The following KCNC2 variants were observed in gnomAD, a reference collection of about 807,000 sequenced individuals.
The protein encoded by KCNC2 is potassium voltage-gated channel subfamily C member 2.
A neutral mutation model predicts 44.5 loss-of-function variants in KCNC2; 21 were observed. The ratio of observed to expected loss-of-function variants is 0.47; its 90% CI spans 0.33 to 0.68. KCNC2 has a LOEUF of 0.68. Ranked by LOEUF, KCNC2 falls within the 30% of genes least tolerant of loss-of-function variation. KCNC2 has a pLI of 0.01. For synonymous variants in KCNC2, 391 were observed against 339.1 expected, an observed-to-expected ratio of 1.15 and a Z score of -1.68; for missense variants, 589 against 826.2, an observed-to-expected ratio of 0.71 and a Z score of 3.52.
intron 2 of KCNC2, among the ~76,000 whole-genome samples, chr12:75,199,035 G>A (rs11180401): frequency 0.013 from 1,930 of 151,732 alleles, 59 homozygotes; most frequent in East Asian, 0.085. Flanking sequence ...TTAAAATCCT[G>A]GATAAAATAT....
chr12:75,172,493 A>G (rs1413929125), intron 2 of KCNC2, among the ~76,000 whole-genome samples: 1 of 145,932 alleles, frequency 6.9e-6, no homozygotes, highest in African/African-American at 2.5e-5. Context: ...AAAGTTGAAG[A>G]AAAAAAAAAA....
At chr12:75,184,336 A>G (rs7132731) in intron 2 of KCNC2, among the ~76,000 whole-genome samples, 11,852 of 152,266 alleles carry the variant, frequency 0.078, 536 homozygotes, top group Admixed American at 0.14. Context: ...GAGCATATGC[A>G]TATTTTTCCC....
intron 2 of KCNC2, among the ~76,000 whole-genome samples, chr12:75,115,767 A>G (rs1304146152): frequency 6.6e-6 from 1 of 151,986 alleles, no homozygotes; most frequent in African/African-American, 2.4e-5. Flanking sequence ...TTTAAACAAA[A>G]TTATTTAATT....
intron 2 of KCNC2, among the ~76,000 whole-genome samples, chr12:75,094,823 A>G (rs1885787163): frequency 6.6e-6 from 1 of 151,784 alleles, no homozygotes; most frequent in Admixed American, 6.6e-5. Context: ...GGCAGTGACA[A>G]AAACTTACTG....
At chr12:75,188,620 G>T (rs969149209) in intron 2 of KCNC2, among the ~76,000 whole-genome samples, 1 of 151,956 alleles carries the variant, frequency 6.6e-6, no homozygotes, top group Non-Finnish European at 1.5e-5. Flanking sequence ...CCAGCACTTC[G>T]GGAGGCTGAG....
chr12:75,192,886 G>A (rs1055662210), intron 2 of KCNC2, among the ~76,000 whole-genome samples: 1 of 152,014 alleles, frequency 6.6e-6, no homozygotes, highest in African/African-American at 2.4e-5. Context: ...TATATATTTT[G>A]AAATTGCTAA....
At chr12:75,139,248 G>A (rs1032684402) in intron 2 of KCNC2, among the ~76,000 whole-genome samples, 6 of 152,118 alleles carry the variant, frequency 3.9e-5, no homozygotes, top group African/African-American at 1.4e-4. Flanking sequence ...AAAAAAAGCA[G>A]TCACTTCAAG....
chr12:75,199,148 A>G (rs1311576438), intron 2 of KCNC2, among the ~76,000 whole-genome samples: 1 of 151,962 alleles, frequency 6.6e-6, no homozygotes, highest in East Asian at 1.9e-4. Context: ...TTTACTGCTA[A>G]GACTAAATTA....
At chr12:75,202,653 C>A (rs189278069) in intron 2 of KCNC2, among the ~76,000 whole-genome samples, 32 of 151,694 alleles carry the variant, frequency 2.1e-4, no homozygotes, top group African/African-American at 7.7e-4. Context: ...AAGGAGAGAG[C>A]CTGTAAGTCA....
chr12:75,051,216 T>A lies in KCNC2; in HGVS notation c.789A>T (p.Pro263=). The change falls in exon 3 of 5, where the codon CCA becomes CCT. Residue 263 remains proline, a synonymous_variant. Transcript: ENST00000549446. ...AFNIVKNKTE[P]VINGTSVVLQ... Reference sequence around the variant, plus strand: ...GAACAACACTTGTGCCATTGATGACTGGTTCTGTCTTGTTTTTAACAATAT... The same window carrying A: ...GAACAACACTTGTGCCATTGATGACAGGTTCTGTCTTGTTTTTAACAATAT... The A allele has an allele frequency of 1.2e-6, 2 of 1,612,696 alleles. No individual in the cohort carries two copies. Among genetic ancestry groups the A allele is most frequent in the Non-Finnish European group, 1.7e-6 (2 of 1,178,822 alleles).
At chr12:75,136,529 A>G (rs559284386) in intron 2 of KCNC2, among the ~76,000 whole-genome samples, 2 of 152,242 alleles carry the variant, frequency 1.3e-5, no homozygotes, top group South Asian at 2.1e-4. Flanking sequence ...GATCATTCAG[A>G]GACTATTATG....
At chr12:75,206,144 AC>A (rs1404973969) in intron 2 of KCNC2, among the ~76,000 whole-genome samples, 1 of 152,232 alleles carries the variant, frequency 6.6e-6, no homozygotes, top group African/African-American at 2.4e-5. Context: ...AGATGCAGAC[AC>A]TTCTGACATA....
chr12:75,081,450 G>A (rs1256743867), intron 2 of KCNC2, among the ~76,000 whole-genome samples: 1 of 141,570 alleles, frequency 7.1e-6, no homozygotes, highest in Non-Finnish European at 1.5e-5. Context: ...TGTGGCTGAA[G>A]ACTAGCTGTA....
chr12:75,146,440 T>C (rs189412146), intron 2 of KCNC2, among the ~76,000 whole-genome samples: 61 of 152,338 alleles, frequency 4.0e-4, no homozygotes, highest in Admixed American at 4.0e-3. Context: ...ATGGAACATT[T>C]TGATTTTGAG....
intron 2 of KCNC2, among the ~76,000 whole-genome samples, chr12:75,133,397 A>G (rs1384464617): frequency 6.6e-6 from 1 of 151,956 alleles, no homozygotes; most frequent in Non-Finnish European, 1.5e-5. Flanking sequence ...GTAAATATAT[A>G]AAACTATTAT....
intron 2 of KCNC2, among the ~76,000 whole-genome samples, chr12:75,053,029 A>G (rs920856322): frequency 5.9e-5 from 9 of 151,782 alleles, no homozygotes; most frequent in African/African-American, 2.2e-4. Flanking sequence ...TTCCCTTTGT[A>G]CAAGTAAATG....
intron 2 of KCNC2, among the ~76,000 whole-genome samples, chr12:75,104,804 G>A (rs1279020230): frequency 6.6e-6 from 1 of 152,126 alleles, no homozygotes; most frequent in Non-Finnish European, 1.5e-5. Context: ...TTAAGTAAAT[G>A]ATAGAGTCAG....
chr12:75,202,019 T>G (rs1047407096), intron 2 of KCNC2, among the ~76,000 whole-genome samples: 2 of 151,952 alleles, frequency 1.3e-5, no homozygotes, highest in African/African-American at 2.4e-5. Flanking sequence ...ATTTACTTTA[T>G]TTGTCATAGT....
chr12:75,055,020 G>A (rs1002497245), intron 2 of KCNC2, among the ~76,000 whole-genome samples: 1 of 152,120 alleles, frequency 6.6e-6, no homozygotes, highest in African/African-American at 2.4e-5. Flanking sequence ...AGGTTACATT[G>A]AATAACATTC....
Sources: allele counts gnomAD v4.1 joint callset (sites outside exome capture counted in the v4.1 genomes callset), GRCh38; gene constraint gnomAD v4.1.1; transcripts MANE v1.5; gene names NCBI Gene and HGNC (gene_info 2026-07-23, HGNC 2026-07-21).